Variants in AK7 observed in about 807,000 individuals in gnomAD.
AK7 encodes the protein adenylate kinase 7, also known as ATP-AMP transphosphorylase 7.
A neutral mutation model predicts 96.6 loss-of-function variants in AK7; 78 were observed. The observed-to-expected ratio is 0.81, with a 90% CI of 0.67 to 0.97. The LOEUF (loss-of-function observed/expected upper bound fraction) is 0.97, where lower values mean the gene tolerates loss of function less well. Among genes scored for constraint, AK7 ranks in the 50% least tolerant of loss-of-function variants. The pLI, the probability that AK7 is intolerant of heterozygous loss-of-function variation, is 0.00. For missense variants in AK7, 855 were observed against 887.9 expected (o/e 0.96, Z 0.47); for synonymous variants, 302 against 317.2 (o/e 0.95, Z 0.51).
intron 8 of AK7, among the ~76,000 whole-genome samples, chr14:96,447,863 C>T (rs539021889): frequency 1.3e-5 from 2 of 152,284 alleles, no homozygotes; most frequent in African/African-American, 4.8e-5. Context: ...CCATGCGGCC[C>T]AGCTAGTGCA....
At chr14:96,392,379 G>A in intron 1 of AK7, 120 bp downstream of exon 1, 1 of 822,466 alleles carries the variant, frequency 1.2e-6, no homozygotes, top group East Asian at 2.7e-5. Context: ...TTTCCTCAGG[G>A]AGGGTCCCGC....
intron 5 of AK7, among the ~76,000 whole-genome samples, chr14:96,429,903 T>G (rs915975260): frequency 6.6e-6 from 1 of 152,238 alleles, no homozygotes; most frequent in African/African-American, 2.4e-5. Context: ...TCATGTCATC[T>G]GCAAACAGGG....
At chr14:96,409,527 G>A (rs1178798932) in intron 4 of AK7, among the ~76,000 whole-genome samples, 2 of 152,148 alleles carry the variant, frequency 1.3e-5, no homozygotes, top group Non-Finnish European at 2.9e-5. Context: ...AGCCAAGATC[G>A]CACCACTGCA....
intron 7 of AK7, 40 bp downstream of exon 7, chr14:96,442,858 TTAA>T: frequency 1.3e-6 from 2 of 1,560,562 alleles, no homozygotes; most frequent in Non-Finnish European, 1.8e-6. Context: ...ACAGAATTGG[TTAA>T]TGTGTTTGTT....
intron 10 of AK7, 109 bp from the exon 11 acceptor site, chr14:96,456,238 C>CAAAAAAAAA (rs56356389): frequency 2.7e-6 from 1 of 365,076 alleles, no homozygotes; most frequent in Non-Finnish European, 4.0e-6. Flanking sequence ...GACTCTGTCT[C>CAAAAAAAAA]AAAAAAAAAA....
In AK7 at chr14:96,399,660, G is replaced by T. The variant is rs1890292179; in HGVS notation, c.294+1397G>T. Among the ~76,000 whole-genome samples the T allele has an allele frequency of 6.6e-6, 1 of 152,152 alleles. No individual in the cohort carries two copies. The highest frequency in any genetic ancestry group is 6.6e-5 in the Admixed American group (1 of 15,264). Reference sequence around the variant, plus strand: ...CACCAGCAGTCCCCTGACTCCCGAGGGGCTTAGCTCACCTGGCTTCACAGC... The same window carrying T: ...CACCAGCAGTCCCCTGACTCCCGAGTGGCTTAGCTCACCTGGCTTCACAGC... On this transcript the variant is annotated intron_variant, in intron 2 of 17. Coordinates refer to ENST00000267584, the MANE Select transcript of AK7 (RefSeq NM_152327.5). The surrounding 1 kb of genome is among the most constrained non-coding windows in gnomAD (Gnocchi z 4.1).
intron 5 of AK7, among the ~76,000 whole-genome samples, chr14:96,426,398 AT>A (rs146439069): frequency 1.5e-3 from 221 of 151,912 alleles, no homozygotes; most frequent in African/African-American, 5.1e-3. Flanking sequence ...TGTAGTTATT[AT>A]TTTTTTTGGT....
At chr14:96,452,523 A>G (rs1425805416) in intron 10 of AK7, among the ~76,000 whole-genome samples, 1 of 152,074 alleles carries the variant, frequency 6.6e-6, no homozygotes, top group Non-Finnish European at 1.5e-5. Context: ...ACGGGGTTTC[A>G]CCATGTGGAC....
At chr14:96,406,036 A>G (rs749514683) in intron 3 of AK7, among the ~76,000 whole-genome samples, 21 of 146,194 alleles carry the variant, frequency 1.4e-4, no homozygotes, top group Non-Finnish European at 2.5e-4. Context: ...TTTGTGTTTC[A>G]TGTCCCCCCA....
At chr14:96,486,331 A>G (rs1482743360) in intron 16 of AK7, among the ~76,000 whole-genome samples, 1 of 152,200 alleles carries the variant, frequency 6.6e-6, no homozygotes, top group Admixed American at 6.5e-5. Flanking sequence ...AGAATTTTTT[A>G]AAAAGACAAG....
intron 12 of AK7, among the ~76,000 whole-genome samples, chr14:96,468,383 C>T (rs1894701898): frequency 6.6e-6 from 1 of 150,710 alleles, no homozygotes; most frequent in Non-Finnish European, 1.5e-5. Flanking sequence ...GCAAGCTCCG[C>T]CACCCAGGTT....
chr14:96,446,628 A>G lies in AK7; in HGVS notation c.870+21A>G, dbSNP rs768407905. On this transcript the variant is annotated intron_variant, in intron 8 of 17. Transcript: ENST00000267584. The stretch of plus-strand genomic sequence containing the variant: ...TCAAGGTACAGTGGTTTCATCCCAT[A>G]CTTTGATGACATATCGTAAATAGTT... The G allele has an allele frequency of 1.9e-6, 3 of 1,604,746 alleles. No homozygotes were observed. The Admixed American group carries it at 5.0e-5, about 27-fold the overall frequency.
intron 5 of AK7, among the ~76,000 whole-genome samples, chr14:96,436,044 T>C (rs529280230): frequency 6.6e-6 from 1 of 152,266 alleles, no homozygotes; most frequent in South Asian, 2.1e-4. Context: ...TAGTTATTGT[T>C]GTCCTTGCAG....
chr14:96,438,654 G>A (rs866526921), intron 6 of AK7, among the ~76,000 whole-genome samples: 2 of 152,192 alleles, frequency 1.3e-5, no homozygotes, highest in South Asian at 2.1e-4. Flanking sequence ...GTAGCCCCTC[G>A]TGAAGCTCTG....
intron 5 of AK7, among the ~76,000 whole-genome samples, chr14:96,430,953 C>T (rs943959049): frequency 2.6e-5 from 4 of 152,196 alleles, no homozygotes. Context: ...ATTTCAGAGC[C>T]TGTTATTGGT....
chr14:96,478,567 T>C lies in AK7; in HGVS notation c.1658T>C (p.Phe553Ser), dbSNP rs1475856173. The C allele has an allele frequency of 1.9e-6, 3 of 1,614,200 alleles. No individual in the cohort carries two copies. The highest frequency in any genetic ancestry group is 2.5e-6 in the Non-Finnish European group (3 of 1,180,032). ...GGGACCCACTACAGCCAAGACCGATTCCTCCGGGCTCTGAGCAACTACCGG... is the reference window on the plus strand; with the variant it reads ...GGGACCCACTACAGCCAAGACCGATCCCTCCGGGCTCTGAGCAACTACCGG... The part of the protein sequence containing the change: ...VAGTHYSQDR[F>S]LRALSNYRDI... The change falls in exon 15 of 18, where the codon TTC (phenylalanine) becomes TCC (serine). Residue 553 changes from phenylalanine to serine, a missense_variant. Physicochemically the swap from Phe to Ser is radical, Grantham distance 155. Transcript: ENST00000267584.
intron 12 of AK7, among the ~76,000 whole-genome samples, chr14:96,465,653 T>G (rs1894521689): frequency 6.6e-6 from 1 of 152,164 alleles, no homozygotes; most frequent in Admixed American, 6.5e-5. Context: ...TGTAAAAGGA[T>G]TAAAATAAAA....
At chr14:96,441,755 C>T (rs2140091893) in intron 6 of AK7, among the ~76,000 whole-genome samples, 2 of 152,104 alleles carry the variant, frequency 1.3e-5, no homozygotes, top group Middle Eastern at 3.4e-3. Context: ...TTTGGGGTCC[C>T]AAGGTTTATT....
rs1020050840 is a variant in AK7, at chr14:96,399,132, C to T, written c.294+869C>T. ...CCTAGATCATAGTGCTTTTCACACT[C>T]GTTGTTATCACCTGTCTATCGTGGG... On this transcript the variant is annotated intron_variant, in intron 2 of 17. Transcript: ENST00000267584. This position sits in a 1 kb window ranked among gnomAD's most constrained non-coding sequence, Gnocchi z 4.1. 2 of 152,198 alleles carry T rather than the reference C, an allele frequency of 1.3e-5. No individual in the cohort carries two copies. Among genetic ancestry groups the T allele is most frequent in the Non-Finnish European group, 2.9e-5 (2 of 68,062 alleles). The allele number at this position is 152,198 out of a possible 1,614,324, so 9.4% of individuals were successfully genotyped here.
Sources: gnomAD v4.1 joint callset for allele counts (sites outside exome capture counted in the v4.1 genomes callset) on GRCh38, gnomAD v4.1.1 for gene constraint, Gnocchi (gnomAD v3.1) non-coding constraint, MANE v1.5 for transcripts, NCBI Gene and HGNC (gene_info 2026-07-23, HGNC 2026-07-21) for gene names.